DHRSX: variants seen among roughly 807,000 people sequenced by gnomAD.
DHRSX encodes the protein polyprenol dehydrogenase.
Under a neutral mutation model 34.0 loss-of-function variants are expected in DHRSX, and 31 were observed. That is an observed-to-expected ratio of 0.91 (90% CI 0.69 to 1.23). The LOEUF is 1.23. Ranked by LOEUF, DHRSX falls within the 50% of genes most tolerant of loss-of-function variation. The probability of loss-of-function intolerance (pLI) is 0.00; values close to 1 mark genes in which losing one functional copy is unlikely to be tolerated. For synonymous variants in DHRSX, 201 were observed against 183.8 expected (o/e 1.09, Z -0.76); for missense variants, 414 against 428.1 (o/e 0.97, Z 0.29).
intron 4 of DHRSX, among the ~76,000 whole-genome samples, chrX:2,275,804 T>C (rs1045793325): frequency 1.1e-4 from 17 of 148,820 alleles, no homozygotes; most frequent in African/African-American, 4.2e-4. Context: ...AGGAAATAAA[T>C]AAATAAAATA....
Position 2,500,875 on chromosome X carries a change from G to C in DHRSX, c.51C>G (p.Gly17=). 8.6e-7 allele frequency: 1 copy of C among 1,157,190 alleles called. No homozygotes were observed. Among genetic ancestry groups the C allele is most frequent in the Non-Finnish European group, 1.1e-6 (1 of 934,010 alleles). The allele number at this position is 1,157,190 out of a possible 1,614,324, so 71.7% of individuals were successfully genotyped here. A position where few individuals can be genotyped will look rare whatever the true frequency, so the allele number is the denominator to read the frequency against. Residue 17 remains glycine (G), a synonymous_variant, in exon 1 of 7, where the codon GGC becomes GGG. Transcript: ENST00000334651. ...GCAGCTGCGCCAGGATCACCGCGGCGCCTACCGCGTAGACCCGCAGGGCCG... is the reference window on the plus strand; with the variant it reads ...GCAGCTGCGCCAGGATCACCGCGGCCCCTACCGCGTAGACCCGCAGGGCCG... ...ARAALRVYAV[G]AAVILAQLLR...
At chrX:2,331,464 T>TTTTTTTA (rs2042476129) in intron 3 of DHRSX, among the ~76,000 whole-genome samples, 2 of 130,666 alleles carry the variant, frequency 1.5e-5, no homozygotes, top group Non-Finnish European at 3.3e-5. Flanking sequence ...TTTTTTTTTT[T>TTTTTTTA]GAGACGGAGT....
intron 3 of DHRSX, among the ~76,000 whole-genome samples, chrX:2,340,801 G>A: frequency 6.6e-6 from 1 of 152,240 alleles, no homozygotes; most frequent in South Asian, 2.1e-4. Context: ...TGGCAAATCA[G>A]AGGTAGATGA....
intron 4 of DHRSX, among the ~76,000 whole-genome samples, chrX:2,273,415 G>C (rs2041584012): frequency 6.6e-6 from 1 of 152,172 alleles, no homozygotes; most frequent in Non-Finnish European, 1.5e-5. Context: ...TAGAACTGGA[G>C]GTTATTATTC....
chrX:2,405,360 C>T (rs753919856), intron 3 of DHRSX, among the ~76,000 whole-genome samples: 10 of 151,900 alleles, frequency 6.6e-5, no homozygotes, highest in South Asian at 2.1e-4. Context: ...GGTGGGTGGG[C>T]GCCTGTAATC....
At chrX:2,364,911 C>G (rs1313810442) in intron 3 of DHRSX, among the ~76,000 whole-genome samples, 1 of 152,128 alleles carries the variant, frequency 6.6e-6, no homozygotes, top group Non-Finnish European at 1.5e-5. Context: ...ATCTATCTAG[C>G]TATTTTCTGT....
At chrX:2,285,351 G>A (rs997136859) in intron 4 of DHRSX, among the ~76,000 whole-genome samples, 2 of 152,164 alleles carry the variant, frequency 1.3e-5, no homozygotes, top group African/African-American at 4.8e-5. Flanking sequence ...TCCATAAGGA[G>A]CACACAACCT....
rs2925849 is a variant in DHRSX at position 2,481,849 on chromosome X, C to T, written c.109+18968G>A. ...CACACCATGGCAGGGCTCATCCTCC[C>T]GAGTACATGCAAACTGCACTGAGCC... On this transcript the variant is annotated intron_variant, in intron 1 of 6. Transcript: ENST00000334651. Among the ~76,000 whole-genome samples the T allele has an allele frequency of 1.4e-3, 213 of 151,790 alleles. 1 individual carries two copies. Among genetic ancestry groups the T allele is most frequent in the Middle Eastern group, 0.014 (4 of 294 alleles).
chrX:2,314,505 AAGGG>A (rs2042218861), intron 3 of DHRSX, among the ~76,000 whole-genome samples: 1 of 45,566 alleles, frequency 2.2e-5, no homozygotes, highest in Admixed American at 2.0e-4. Flanking sequence ...TAAAGGAGGT[AAGGG>A]AGGGAGGGAG....
chrX:2,444,719 C>A (rs2044106006), intron 1 of DHRSX, among the ~76,000 whole-genome samples: 1 of 151,878 alleles, frequency 6.6e-6, no homozygotes, highest in African/African-American at 2.4e-5. Context: ...ACCTGGAGTC[C>A]CAGCTATCAT....
At chrX:2,449,353 A>C (rs1349369798) in intron 1 of DHRSX, among the ~76,000 whole-genome samples, 1 of 152,132 alleles carries the variant, frequency 6.6e-6, no homozygotes, top group African/African-American at 2.4e-5. Flanking sequence ...CCTAACACAC[A>C]CCATGGCAGG....
At chrX:2,311,565 C>T (rs1305129246) in intron 3 of DHRSX, among the ~76,000 whole-genome samples, 3 of 152,068 alleles carry the variant, frequency 2.0e-5, no homozygotes, top group Admixed American at 1.3e-4. Context: ...TTGACCCACC[C>T]GCGAGGCAAA....
At chrX:2,231,658 CTTCT>C (rs1365887373) in intron 6 of DHRSX, among the ~76,000 whole-genome samples, 15 of 129,786 alleles carry the variant, frequency 1.2e-4, no homozygotes, top group African/African-American at 3.7e-4. Context: ...TCTGCCTTTT[CTTCT>C]TTTTTTCTTT....
intron 3 of DHRSX, among the ~76,000 whole-genome samples, chrX:2,310,725 A>G (rs1367679524): frequency 2.6e-5 from 4 of 151,870 alleles, no homozygotes; most frequent in Non-Finnish European, 4.4e-5. Context: ...ACACAGAAAT[A>G]GAAGCACAGA....
chrX:2,387,432 C>A (rs948898390), intron 3 of DHRSX, among the ~76,000 whole-genome samples: 2 of 152,126 alleles, frequency 1.3e-5, no homozygotes, highest in African/African-American at 4.8e-5. Context: ...GGCTGAGGGG[C>A]AAGGAAGCCA....
At chrX:2,423,165 C>A (rs1009131737) in intron 2 of DHRSX, among the ~76,000 whole-genome samples, 2 of 151,378 alleles carry the variant, frequency 1.3e-5, no homozygotes, top group Admixed American at 6.6e-5. Flanking sequence ...GTAATCCCAG[C>A]GCTTTGGGAG....
chrX:2,392,817 T>C lies in DHRSX; in HGVS notation c.286+15928A>G, dbSNP rs1233746180. ...AATATTTAATATAAATTATTTATAA[T>C]GACACAAATATAATTTATAGTTATC... On this transcript the variant is annotated intron_variant, in intron 3 of 6. Transcript: ENST00000334651. Among the ~76,000 whole-genome samples the C allele has an allele frequency of 7.5e-5, 4 of 53,666 alleles. No individual in the cohort carries two copies. In the Admixed American group the frequency reaches 8.5e-4, roughly 11 times the overall value. 35.2% of individuals were successfully genotyped at this position (53,666 alleles called of 152,430 possible).
chrX:2,489,566 A>T, intron 1 of DHRSX: 1 of 1,612,668 alleles, frequency 6.2e-7, no homozygotes, highest in Non-Finnish European at 8.5e-7. Flanking sequence ...GGCCTCCAGC[A>T]TGAGGTGGTG....
At chrX:2,315,308 C>A (rs746363232) in intron 3 of DHRSX, among the ~76,000 whole-genome samples, 1 of 152,186 alleles carries the variant, frequency 6.6e-6, no homozygotes, top group African/African-American at 2.4e-5. Flanking sequence ...GACACCAGTC[C>A]AGTTTGGCAA....
Sources: gnomAD v4.1 joint callset for allele counts (sites outside exome capture counted in the v4.1 genomes callset) on GRCh38, gnomAD v4.1.1 for gene constraint, MANE v1.5 for transcripts, NCBI Gene and HGNC (gene_info 2026-07-23, HGNC 2026-07-21) for gene names.